WWOX: variants seen among roughly 807,000 people sequenced by gnomAD.
The protein encoded by WWOX is WW domain-containing oxidoreductase.
In WWOX, 69 loss-of-function variants were observed where a neutral mutation model predicts 46.2. The ratio of observed to expected loss-of-function variants is 1.49; its 90% confidence interval spans 1.23 to 1.82. WWOX has a LOEUF of 1.82. WWOX is among the 40% of genes most tolerant of loss of function. WWOX has a pLI of 0.00. For synonymous variants in WWOX, 359 were observed against 202.6 expected, an observed-to-expected ratio of 1.77 and a Z score of -6.56; for missense variants, 919 against 542.6, an observed-to-expected ratio of 1.69 and a Z score of -6.89.
At chr16:78,166,070 C>T (rs928389270) in intron 5 of WWOX, among the ~76,000 whole-genome samples, 4 of 152,036 alleles carry the variant, frequency 2.6e-5, no homozygotes, top group Non-Finnish European at 1.5e-5. Flanking sequence ...ATGTGAAAGT[C>T]GTTCTTGGTC....
At chr16:78,269,914 G>GTTTTTTTTTTTTTTT (rs71137883) in intron 5 of WWOX, among the ~76,000 whole-genome samples, 11 of 125,666 alleles carry the variant, frequency 8.8e-5, no homozygotes, top group African/African-American at 1.3e-4. Context: ...ACATAAGGAA[G>GTTTTTTTTTTTTTTT]TTTTTTTTTT....
At chr16:78,356,125 T>C (rs1597089122) in intron 5 of WWOX, among the ~76,000 whole-genome samples, 1 of 12,836 alleles carries the variant, frequency 7.8e-5, no homozygotes, top group Admixed American at 4.0e-4. Flanking sequence ...AGGTGGAGGT[T>C]GCAGTGAGCC....
At chr16:78,901,947 C>T (rs956288415) in intron 8 of WWOX, among the ~76,000 whole-genome samples, 2 of 152,214 alleles carry the variant, frequency 1.3e-5, no homozygotes, top group Non-Finnish European at 2.9e-5. Flanking sequence ...TGATCAATCC[C>T]ATTCCCACTC....
chr16:78,501,617 A>G (rs944458446), intron 8 of WWOX, among the ~76,000 whole-genome samples: 12 of 151,478 alleles, frequency 7.9e-5, no homozygotes, highest in Non-Finnish European at 1.3e-4. Flanking sequence ...GCTCACTGCA[A>G]CCTCTGTCTC....
At chr16:78,955,158 T>A (rs1397604648) in intron 8 of WWOX, among the ~76,000 whole-genome samples, 4 of 152,130 alleles carry the variant, frequency 2.6e-5, no homozygotes, top group Admixed American at 2.6e-4. Context: ...ACTTTGCTGT[T>A]AGGGTCACCT....
chr16:78,373,848 C>G (rs2081754218), intron 5 of WWOX, among the ~76,000 whole-genome samples: 1 of 152,164 alleles, frequency 6.6e-6, no homozygotes, highest in Non-Finnish European at 1.5e-5. Flanking sequence ...AATGCAGTGG[C>G]TTGATCTCGG....
At chr16:78,446,781 C>T (rs556756315) in intron 8 of WWOX, among the ~76,000 whole-genome samples, 48 of 150,900 alleles carry the variant, frequency 3.2e-4, no homozygotes, top group Admixed American at 5.3e-4. Context: ...CAGTCTCAGC[C>T]TCCTCAGTGG....
chr16:78,182,713 G>C (rs1021088575), intron 5 of WWOX, among the ~76,000 whole-genome samples: 1 of 151,992 alleles, frequency 6.6e-6, no homozygotes, highest in South Asian at 2.1e-4. Flanking sequence ...AGCACTTTGG[G>C]AGGCCGAGGT....
intron 8 of WWOX, among the ~76,000 whole-genome samples, chr16:78,455,336 A>T (rs139236772): frequency 6.6e-6 from 1 of 152,132 alleles, no homozygotes. Context: ...ATGATATTCT[A>T]ATCTAATATT....
chr16:78,533,826 C>G (rs1039938711), intron 8 of WWOX, among the ~76,000 whole-genome samples: 14 of 152,314 alleles, frequency 9.2e-5, no homozygotes, highest in Admixed American at 5.9e-4. Context: ...CGTCCTCGCC[C>G]TCAGCATACT....
chr16:78,975,530 C>A (rs979449467), intron 8 of WWOX, among the ~76,000 whole-genome samples: 5 of 151,838 alleles, frequency 3.3e-5, no homozygotes, highest in African/African-American at 7.3e-5. Context: ...TGGTCTTTGC[C>A]CATGAAATCT....
At chr16:78,760,683 T>C (rs2142487054) in intron 8 of WWOX, among the ~76,000 whole-genome samples, 1 of 152,296 alleles carries the variant, frequency 6.6e-6, no homozygotes. Flanking sequence ...TGTCTCAAGC[T>C]GCTGATTTCC....
intron 8 of WWOX, among the ~76,000 whole-genome samples, chr16:78,782,465 C>T (rs548144839): frequency 5.5e-4 from 84 of 152,264 alleles, no homozygotes; most frequent in African/African-American, 1.9e-3. Flanking sequence ...AGCATTCCAA[C>T]GATTCTAAAT....
At chr16:78,696,117 G>C (rs910560892) in intron 8 of WWOX, among the ~76,000 whole-genome samples, 2 of 152,176 alleles carry the variant, frequency 1.3e-5, no homozygotes, top group South Asian at 2.1e-4. Context: ...AAACATAGGA[G>C]AGAAGCCACT....
At chr16:78,323,205 C>A (rs554388815) in intron 5 of WWOX, among the ~76,000 whole-genome samples, 7 of 152,120 alleles carry the variant, frequency 4.6e-5, no homozygotes, top group Non-Finnish European at 1.0e-4. Context: ...CTCCCGGGTT[C>A]ACGCCATTCT....
chr16:78,577,977 A>G (rs2151583640), intron 8 of WWOX, among the ~76,000 whole-genome samples: 1 of 152,110 alleles, frequency 6.6e-6, no homozygotes, highest in East Asian at 1.9e-4. Flanking sequence ...ATATTTTCAC[A>G]AGAACATTTG....
At chr16:78,227,184 T>C (rs1463559810) in intron 5 of WWOX, among the ~76,000 whole-genome samples, 1 of 152,252 alleles carries the variant, frequency 6.6e-6, no homozygotes, top group Non-Finnish European at 1.5e-5. Flanking sequence ...TACTCTTTTT[T>C]ATCCCCAGGT....
At chr16:79,049,959 G>GA (rs34853487) in intron 8 of WWOX, among the ~76,000 whole-genome samples, 1 of 152,042 alleles carries the variant, frequency 6.6e-6, no homozygotes, top group African/African-American at 2.4e-5. Flanking sequence ...TCCAGGGCAA[G>GA]AAAAAAACAT....
chr16:79,069,902 T>C (rs980939380), intron 8 of WWOX, among the ~76,000 whole-genome samples: 5 of 152,234 alleles, frequency 3.3e-5, no homozygotes, highest in African/African-American at 9.6e-5. Flanking sequence ...TTTCAAATTT[T>C]TTCCCCCTCT....
Sources: allele counts gnomAD v4.1 joint callset (sites outside exome capture counted in the v4.1 genomes callset), GRCh38; gene constraint gnomAD v4.1.1; transcripts MANE v1.5; gene names NCBI Gene and HGNC (gene_info 2026-07-23, HGNC 2026-07-21).